The following TBL1X variants were observed in gnomAD, a reference collection of about 807,000 sequenced individuals.
TBL1X encodes transducin beta like 1 X-linked, also known as F-box-like/WD repeat-containing protein TBL1X.
In TBL1X, 10 loss-of-function variants were observed where a neutral mutation model predicts 50.7. That is an observed-to-expected ratio of 0.20 (90% confidence interval 0.12 to 0.33). The LOEUF is 0.33. TBL1X is among the 10% of genes least tolerant of loss of function. TBL1X has a pLI of 1.00. For missense variants in TBL1X, 340 were observed against 504.4 expected, an observed-to-expected ratio of 0.67 and a Z score of 3.12; for synonymous variants, 190 against 214.7, an observed-to-expected ratio of 0.88 and a Z score of 1.01.
At chrX:9,586,305 C>T (rs1485229351) in intron 2 of TBL1X, among the ~76,000 whole-genome samples, 1 of 112,411 alleles carries the variant, frequency 8.9e-6, no homozygotes. Flanking sequence ...GAATAGTATT[C>T]GGCCTTGAAA....
chrX:9,518,640 G>A (rs2082092515), intron 2 of TBL1X, among the ~76,000 whole-genome samples: 1 of 111,654 alleles, frequency 9.0e-6, no homozygotes, highest in Non-Finnish European at 1.9e-5. Context: ...AATGAGGGAG[G>A]TGTGGGTCAC....
At chrX:9,641,958 CTG>C (rs1212640381) in intron 3 of TBL1X, among the ~76,000 whole-genome samples, 1 of 112,003 alleles carries the variant, frequency 8.9e-6, no homozygotes, top group Non-Finnish European at 1.9e-5. Flanking sequence ...TTTCATTTCT[CTG>C]TGGCATTTAC....
chrX:9,550,961 GC>G (rs200299801), intron 2 of TBL1X, among the ~76,000 whole-genome samples: 60 of 109,070 alleles, frequency 5.5e-4, no homozygotes, highest in African/African-American at 1.6e-3. Context: ...GTGCAGGACA[GC>G]CCCCCCCCAA....
intron 5 of TBL1X, among the ~76,000 whole-genome samples, chrX:9,674,317 T>C (rs2082977844): frequency 9.0e-6 from 1 of 110,552 alleles, no homozygotes; most frequent in South Asian, 3.9e-4. Context: ...TGGAATGCAG[T>C]GGCATGATCT....
At chrX:9,573,202 A>G (rs1276934219) in intron 2 of TBL1X, among the ~76,000 whole-genome samples, 1 of 112,827 alleles carries the variant, frequency 8.9e-6, no homozygotes, top group Non-Finnish European at 1.9e-5. Context: ...ATTTTAACTT[A>G]TAGTTTCTTT....
In TBL1X at chrX:9,565,754, C is replaced by T. The variant is rs59963822; in HGVS notation, c.-131+63905C>T. On this transcript the variant is annotated intron_variant, in intron 2 of 17. Transcript: ENST00000645353. Reference sequence around the variant, plus strand: ...GCTGAGACAGGAGGATCACTTGAGTCCTGGAGGTCAAGGCTGCAGTGAGTC... The same window carrying T: ...GCTGAGACAGGAGGATCACTTGAGTTCTGGAGGTCAAGGCTGCAGTGAGTC... Among the ~76,000 whole-genome samples the T allele has an allele frequency of 2.2e-3, 243 of 111,361 alleles. 1 individual carries two copies. Among genetic ancestry groups the T allele is most frequent in the African/African-American group, 7.7e-3 (237 of 30,609 alleles).
At chrX:9,617,698 T>C (rs998801414) in intron 2 of TBL1X, among the ~76,000 whole-genome samples, 1 of 112,178 alleles carries the variant, frequency 8.9e-6, no homozygotes, top group African/African-American at 3.2e-5. Context: ...GGGGTCACAC[T>C]TCCTTCAGTG....
chrX:9,653,342 C>T (rs978213748), intron 3 of TBL1X, among the ~76,000 whole-genome samples: 4 of 112,340 alleles, frequency 3.6e-5, no homozygotes, highest in Non-Finnish European at 7.5e-5. Flanking sequence ...TGTGTCTAAC[C>T]GGGTGGTGTC....
At chrX:9,491,306 T>TTATATATATATATATATATATATA (rs757466880) in intron 1 of TBL1X, among the ~76,000 whole-genome samples, 4 of 51,899 alleles carry the variant, frequency 7.7e-5, no homozygotes, top group Non-Finnish European at 9.8e-5. Flanking sequence ...GCCAGTATAT[T>TTATATATATATATATATATATATA]TATATATATA....
At chrX:9,480,649 T>C (rs992968342) in intron 1 of TBL1X, among the ~76,000 whole-genome samples, 1 of 110,792 alleles carries the variant, frequency 9.0e-6, no homozygotes, top group Non-Finnish European at 1.9e-5. Context: ...TGAGTTATTA[T>C]GGCTAAATAA....
upstream of TBL1X, among the ~76,000 whole-genome samples, chrX:9,464,372 C>T (rs139183627): frequency 1.7e-4 from 19 of 111,774 alleles, no homozygotes; most frequent in East Asian, 5.4e-3. Context: ...GCCTGTGTGT[C>T]TGAGTTTGTC....
chrX:9,576,955 G>C (rs1229145809), intron 2 of TBL1X, among the ~76,000 whole-genome samples: 1 of 110,991 alleles, frequency 9.0e-6, no homozygotes, highest in East Asian at 2.8e-4. Flanking sequence ...AGCCGTAATT[G>C]CACCATTGCA....
At chrX:9,555,920 G>C (rs2082295356) in intron 2 of TBL1X, among the ~76,000 whole-genome samples, 2 of 111,725 alleles carry the variant, frequency 1.8e-5, no homozygotes, top group Non-Finnish European at 3.8e-5. Flanking sequence ...GGGTGCAGTA[G>C]CTTACACTTG....
chrX:9,624,144 A>C (rs1313406514), intron 2 of TBL1X, among the ~76,000 whole-genome samples: 1 of 112,332 alleles, frequency 8.9e-6, no homozygotes, highest in Non-Finnish European at 1.9e-5. Context: ...TTTGGAACGA[A>C]GTTTATAGCC....
At chrX:9,531,406 T>TTG (rs2082161066) in intron 2 of TBL1X, among the ~76,000 whole-genome samples, 1 of 106,867 alleles carries the variant, frequency 9.4e-6, no homozygotes, top group Non-Finnish European at 1.9e-5. Flanking sequence ...TGTGTGTTGG[T>TTG]GTGTGTTGGT....
At chrX:9,709,482 T>G in intron 14 of TBL1X, 151 bp from the exon 15 acceptor site, 1 of 989,855 alleles carries the variant, frequency 1.0e-6, no homozygotes, top group Non-Finnish European at 1.4e-6. Flanking sequence ...ATAGTCCCAC[T>G]GAGAATCGCA....
At chrX:9,580,980 T>C (rs970152957) in intron 2 of TBL1X, among the ~76,000 whole-genome samples, 5 of 111,916 alleles carry the variant, frequency 4.5e-5, no homozygotes, top group Non-Finnish European at 9.4e-5. Context: ...CCGGCAGTCA[T>C]GGCCTGGTCC....
intron 12 of TBL1X, among the ~76,000 whole-genome samples, chrX:9,699,020 A>G (rs753232309): frequency 6.3e-5 from 7 of 111,457 alleles, no homozygotes; most frequent in Non-Finnish European, 1.1e-4. Flanking sequence ...TTACTCTGTC[A>G]CCCAGGTTGG....
At chrX:9,517,131 C>T (rs1015349439) in intron 2 of TBL1X, among the ~76,000 whole-genome samples, 3 of 110,966 alleles carry the variant, frequency 2.7e-5, no homozygotes, top group African/African-American at 6.6e-5. Context: ...CAGATAGGGC[C>T]GGAGACAAGG....
Sources: gnomAD v4.1 joint callset for allele counts (sites outside exome capture counted in the v4.1 genomes callset) on GRCh38, gnomAD v4.1.1 for gene constraint, MANE v1.5 for transcripts, NCBI Gene and HGNC (gene_info 2026-07-23, HGNC 2026-07-21) for gene names.